Variants in ZNF469 observed in about 807,000 individuals in gnomAD.
The protein encoded by ZNF469 is zinc finger protein 469.
A neutral mutation model predicts 1.0 loss-of-function variants in ZNF469; 1 was observed. The observed-to-expected ratio is 1.00, with a 90% CI of 0.35 to 4.73. The LOEUF (loss-of-function observed/expected upper bound fraction) is 4.73. ZNF469 is among the 30% of genes most tolerant of loss of function. The probability of loss-of-function intolerance (pLI) is 0.16; values close to 1 mark genes in which losing one functional copy is unlikely to be tolerated. For missense variants in ZNF469, 6,100 were observed against 5,356.3 expected (o/e 1.14, Z -4.33); for synonymous variants, 2,703 against 2,363.4 (o/e 1.14, Z -4.17).
At chr16:88,421,557 G>A (rs1041156451) in intron 1 of ZNF469, among the ~76,000 whole-genome samples, 4 of 152,174 alleles carry the variant, frequency 2.6e-5, no homozygotes, top group Admixed American at 6.5e-5. Context: ...GCTGGCCCTC[G>A]AGTGCCCTGG....
Position 88,428,873 on chromosome 16 carries a change from C to T in ZNF469, c.1403C>T (p.Pro468Leu), listed in dbSNP as rs1412015120. The change falls in exon 3 of 3, where the codon CCC becomes CTC. Residue 468 changes from proline (P) to leucine (L), a missense_variant. Transcript: ENST00000565624. Reference sequence around the variant, plus strand: ...AGGAGTATGTTCTTTAACGGCCAGCCCAGCCCAGGCCAGCGGCTCTGCCTC... The same window carrying T: ...AGGAGTATGTTCTTTAACGGCCAGCTCAGCCCAGGCCAGCGGCTCTGCCTC... ...ATRSMFFNGQPSPGQRLCLPQ... is the reference protein window; with the variant it reads ...ATRSMFFNGQLSPGQRLCLPQ... 6.5e-7 allele frequency: 1 copy of T among 1,548,312 alleles called. No individual in the cohort carries two copies. Among genetic ancestry groups the T allele is most frequent in the Admixed American group, 2.0e-5 (1 of 50,958 alleles).
At chr16:88,375,481 G>A in the ZNF469 span, among the ~76,000 whole-genome samples, 1 of 152,216 alleles carries the variant, frequency 6.6e-6, no homozygotes, top group African/African-American at 2.4e-5. Flanking sequence ...TCTTTGCACA[G>A]AGTCCCACCA....
chr16:88,439,859 G>T lies in ZNF469; in HGVS notation c.*527G>T, dbSNP rs1318382262. 2.8e-5 allele frequency: 2 copies of T among 72,400 alleles called. No individual in the cohort carries two copies. Among genetic ancestry groups the T allele is most frequent in the East Asian group, 3.1e-4 (1 of 3,250 alleles). The allele number at this position is 72,400 out of a possible 1,614,324, so 4.5% of individuals were successfully genotyped here. On this transcript the variant is annotated 3_prime_UTR_variant, in exon 3 of 3. Coordinates refer to ENST00000565624, the MANE Select transcript of ZNF469 (RefSeq NM_001367624.2). ...TAGAAGGGTTGCTTCTGAGCCGCCTGGTCCCCCAAGAGCACAACAGGCCTC... is the reference window on the plus strand; with the variant it reads ...TAGAAGGGTTGCTTCTGAGCCGCCTTGTCCCCCAAGAGCACAACAGGCCTC...
At position 88,394,994 on chromosome 16, in the gene ZNF469, T is replaced by G. The variant is rs561352743; in HGVS notation, c.-192+11740T>G. ...GCGTTGCCCCCATCAGCCTCTCCAC[T>G]CTGGGATCTGGGCTTTGCTGCCATG... On this transcript the variant is annotated intron_variant, in intron 1 of 2. Transcript: ENST00000565624. Among the ~76,000 whole-genome samples, 78 of 152,276 alleles carry G rather than the reference T, an allele frequency of 5.1e-4. No individual in the cohort carries two copies. The South Asian group carries it at 5.4e-3, about 11-fold the overall frequency.
At chr16:88,313,796 G>A in the ZNF469 span, among the ~76,000 whole-genome samples, 4 of 152,082 alleles carry the variant, frequency 2.6e-5, no homozygotes, top group South Asian at 2.1e-4. Context: ...CAGTGCTGCT[G>A]TGGACTGTCA....
the ZNF469 span, among the ~76,000 whole-genome samples, chr16:88,207,604 G>T: frequency 6.6e-6 from 1 of 150,986 alleles, no homozygotes; most frequent in Non-Finnish European, 1.5e-5. Flanking sequence ...CCATTCGGAG[G>T]CCAGAAATTC....
At chr16:88,409,649 G>A (rs1165081892) in intron 1 of ZNF469, among the ~76,000 whole-genome samples, 1 of 152,204 alleles carries the variant, frequency 6.6e-6, no homozygotes, top group African/African-American at 2.4e-5. Context: ...ATGAGCGTGT[G>A]CACTCACAGA....
At position 88,437,866 on chromosome 16, in the gene ZNF469, C is replaced by T. The variant is rs758582590; in HGVS notation, c.10396C>T (p.Leu3466Phe). 6.5e-7 allele frequency: 1 copy of T among 1,539,246 alleles called. No homozygotes were observed. The highest frequency in any genetic ancestry group is 1.2e-5 in the South Asian group (1 of 83,722). The change falls in exon 3 of 3, where the codon CTC (leucine) becomes TTC (phenylalanine). Residue 3466 changes from leucine to phenylalanine, a missense_variant. By Grantham distance (22) the Leu-to-Phe change is conservative. Coordinates refer to ENST00000565624, the MANE Select transcript of ZNF469 (RefSeq NM_001367624.2). ...AGCGCCGGGACAGAAGGCCCGGGCC[C>T]TCGAGGGCACACTGCCCAGCAAACG... ...PGAPGQKARA[L>F]EGTLPSKRRR...
At chr16:88,196,664 A>T in the ZNF469 span, among the ~76,000 whole-genome samples, 1 of 152,192 alleles carries the variant, frequency 6.6e-6, no homozygotes, top group Admixed American at 6.5e-5. Context: ...CCACTCACTG[A>T]CAGGCCCCTT....
At chr16:88,232,337 C>T in the ZNF469 span, among the ~76,000 whole-genome samples, 4 of 152,288 alleles carry the variant, frequency 2.6e-5, no homozygotes, top group South Asian at 6.2e-4. Context: ...CCACCCAATA[C>T]GGCTGGTCAA....
chr16:88,322,556 A>G, the ZNF469 span, among the ~76,000 whole-genome samples: 4 of 152,176 alleles, frequency 2.6e-5, no homozygotes, highest in African/African-American at 9.6e-5. Context: ...GAGCTACGGC[A>G]AGTCCGGTGA....
chr16:88,157,435 A>G, the ZNF469 span, among the ~76,000 whole-genome samples: 1 of 152,106 alleles, frequency 6.6e-6, no homozygotes, highest in Non-Finnish European at 1.5e-5. Flanking sequence ...TTGCATGTGG[A>G]CAGTTCGAGC....
chr16:88,415,413 A>G (rs755206214), intron 1 of ZNF469, among the ~76,000 whole-genome samples: 1 of 152,160 alleles, frequency 6.6e-6, no homozygotes, highest in African/African-American at 2.4e-5. Context: ...CCCTGGCTGA[A>G]GGAGGGAAGA....
chr16:88,369,227 C>G, the ZNF469 span, among the ~76,000 whole-genome samples: 2 of 152,208 alleles, frequency 1.3e-5, no homozygotes, highest in South Asian at 4.1e-4. Flanking sequence ...TTCCCCCACC[C>G]CACGCTGGGG....
chr16:88,246,678 C>T, the ZNF469 span, among the ~76,000 whole-genome samples: 3 of 152,194 alleles, frequency 2.0e-5, no homozygotes, highest in East Asian at 1.9e-4. Flanking sequence ...GTACAGGGAC[C>T]ACACTTTGAG....
chr16:88,213,733 G>A, the ZNF469 span, among the ~76,000 whole-genome samples: 3 of 152,128 alleles, frequency 2.0e-5, no homozygotes, highest in Non-Finnish European at 1.5e-5. Flanking sequence ...GGGAGTCAGG[G>A]CTCTTTTCCC....
rs1362491869 is a variant in ZNF469 at position 88,432,303 on chromosome 16, C to G, written c.4833C>G (p.Thr1611=). 6 of 1,547,444 alleles carry G rather than the reference C, an allele frequency of 3.9e-6. No individual in the cohort carries two copies. The highest frequency in any genetic ancestry group is 5.2e-6 in the Non-Finnish European group (6 of 1,146,964). Residue 1611 remains threonine (T), a synonymous_variant, in exon 3 of 3, where the codon ACC becomes ACG. Coordinates refer to ENST00000565624, the MANE Select transcript of ZNF469 (RefSeq NM_001367624.2). ...CAGAGCCACCCTCCCAACGGCGCAC[C>G]TGCCAGGCCACCGTGCCCCACGAGG... ...TGTEPPSQRR[T]CQATVPHEDT...
At chr16:88,166,499 C>T in the ZNF469 span, among the ~76,000 whole-genome samples, 1 of 152,132 alleles carries the variant, frequency 6.6e-6, no homozygotes, top group African/African-American at 2.4e-5. This position sits in a 1 kb window ranked among gnomAD's most constrained non-coding sequence, Gnocchi z 4.5. Flanking sequence ...CCCTCGGCAC[C>T]CTCCCTGATC....
chr16:88,386,383 C>T (rs374764782), intron 1 of ZNF469, among the ~76,000 whole-genome samples: 8 of 152,124 alleles, frequency 5.3e-5, no homozygotes, highest in South Asian at 2.1e-4. Context: ...CCCACCGTCC[C>T]GCCCCATCTC....
Sources: allele counts gnomAD v4.1 joint callset (sites outside exome capture counted in the v4.1 genomes callset), GRCh38; gene constraint gnomAD v4.1.1; non-coding constraint Gnocchi (gnomAD v3.1); transcripts MANE v1.5; gene names NCBI Gene and HGNC (gene_info 2026-07-23, HGNC 2026-07-21).